The following AQR variants were observed in gnomAD, a reference collection of about 807,000 sequenced individuals.
AQR encodes RNA helicase aquarius.
Under a neutral mutation model 180.5 loss-of-function variants are expected in AQR, and 61 were observed. That is an observed-to-expected ratio of 0.34 (90% CI 0.28 to 0.42). The LOEUF (loss-of-function observed/expected upper bound fraction) is 0.42. AQR is among the 10% of genes least tolerant of loss of function. The pLI is 1.00. For missense variants in AQR, 1,281 were observed against 1,798.3 expected (o/e 0.71, Z 5.20); for synonymous variants, 551 against 588.8 (o/e 0.94, Z 0.93).
At chr15:34,887,163 T>C (rs2140469663) in intron 24 of AQR, among the ~76,000 whole-genome samples, 1 of 151,734 alleles carries the variant, frequency 6.6e-6, no homozygotes, top group African/African-American at 2.4e-5. Flanking sequence ...GTATACTCCA[T>C]GGAACAGTAT....
chr15:34,963,347 T>C (rs1455909264), intron 2 of AQR, among the ~76,000 whole-genome samples: 1 of 152,178 alleles, frequency 6.6e-6, no homozygotes, highest in Non-Finnish European at 1.5e-5. Context: ...TCATATTATT[T>C]GTTCTAAATT....
chr15:34,925,048 AAAAATTT>A (rs1445890840), intron 13 of AQR, among the ~76,000 whole-genome samples: 3 of 152,178 alleles, frequency 2.0e-5, no homozygotes, highest in Non-Finnish European at 4.4e-5. Context: ...GTTGTCATTA[AAAAATTT>A]AAAATATCTG....
intron 17 of AQR, among the ~76,000 whole-genome samples, chr15:34,908,980 A>G (rs780549721): frequency 6.6e-6 from 1 of 151,886 alleles, no homozygotes; most frequent in Non-Finnish European, 1.5e-5. Context: ...GGTGCACATT[A>G]GTCTAGATGA....
intron 31 of AQR, among the ~76,000 whole-genome samples, chr15:34,870,449 C>A (rs1330044505): frequency 6.6e-6 from 1 of 152,038 alleles, no homozygotes; most frequent in Non-Finnish European, 1.5e-5. Context: ...TATACCCCTG[C>A]AAAGCAAAAC....
intron 4 of AQR, among the ~76,000 whole-genome samples, chr15:34,951,893 TC>T (rs1894239709): frequency 6.6e-6 from 1 of 152,168 alleles, no homozygotes; most frequent in Non-Finnish European, 1.5e-5. Context: ...GTTTCTAGCC[TC>T]AGTTTTCTCC....
chr15:34,900,562 T>C, intron 20 of AQR, 60 bp downstream of exon 20: 1 of 1,551,042 alleles, frequency 6.4e-7, no homozygotes, highest in Non-Finnish European at 8.7e-7. Flanking sequence ...ACAATCCTGA[T>C]GGCATAACGT....
intron 9 of AQR, among the ~76,000 whole-genome samples, chr15:34,938,481 C>T (rs183169057): frequency 8.5e-5 from 13 of 152,068 alleles, no homozygotes; most frequent in South Asian, 2.1e-4. Flanking sequence ...TGCAGTGAGC[C>T]GAGATCATGC....
rs990274704 is a variant in AQR at position 34,851,935 on chromosome 15, AC to A, written c.*4856del. 3 of 152,128 alleles carry A rather than the reference AC, an allele frequency of 2.0e-5. No individual in the cohort carries two copies. The highest frequency in any genetic ancestry group is 7.2e-5 in the African/African-American group (3 of 41,424). 9.4% of individuals were successfully genotyped at this position (152,128 alleles called of 1,614,324 possible). On this transcript the variant is annotated 3_prime_UTR_variant, in exon 35 of 35. Transcript: ENST00000156471. ...AGGAATGTCATGGTACATTGACCAA[AC>A]TTTTATTCATTTGCATTTTCAGGAT... is the stretch of plus-strand genomic sequence containing the variant.
intron 27 of AQR, 95 bp downstream of exon 27, chr15:34,882,407 A>G (rs543385383): frequency 1.6e-6 from 2 of 1,266,514 alleles, no homozygotes; most frequent in East Asian, 5.4e-5. Flanking sequence ...TAAAAGAAAC[A>G]TTTTAAGGTA....
chr15:34,892,378 C>T (rs1893163134), intron 23 of AQR, among the ~76,000 whole-genome samples: 1 of 152,164 alleles, frequency 6.6e-6, no homozygotes, highest in South Asian at 2.1e-4. Context: ...AAGAAAAATG[C>T]TCCCAGTAAG....
rs200634021 is a variant in AQR at position 34,906,585 on chromosome 15, A to G, written c.1791T>C (p.Ile597=). The G allele has an allele frequency of 3.0e-5, 49 of 1,614,008 alleles. No individual in the cohort carries two copies. Among genetic ancestry groups the G allele is most frequent in the Non-Finnish European group, 8.5e-6 (10 of 1,180,024 alleles). ...VGLVYVRGCE[I]QGMLDDKGRV... The stretch of plus-strand genomic sequence containing the variant: ...GTCCTTTATCATCCAGCATGCCCTG[A>G]ATTTCACAGCCTCTGACATAAACCA... Residue 597 remains isoleucine (I), a synonymous_variant, in exon 18 of 35, where the codon ATT becomes ATC. Coordinates refer to ENST00000156471, the MANE Select transcript of AQR (RefSeq NM_014691.3).
chr15:34,925,832 C>T (rs1442298492), intron 13 of AQR, among the ~76,000 whole-genome samples: 1 of 147,754 alleles, frequency 6.8e-6, no homozygotes, highest in Admixed American at 6.8e-5. Flanking sequence ...GACTCCGTCT[C>T]AAAAAAAACA....
At position 34,969,608 on chromosome 15, in the gene AQR, T is replaced by G. The variant is rs1216165366; in HGVS notation, c.6A>C (p.Ala2=). 1 of 1,613,102 alleles carries G rather than the reference T, an allele frequency of 6.2e-7. No individual in the cohort carries two copies. The highest frequency in any genetic ancestry group is 8.5e-7 in the Non-Finnish European group (1 of 1,179,998). The change falls in exon 1 of 35, where the codon GCA becomes GCC. Residue 2 remains alanine, a synonymous_variant. Transcript: ENST00000156471. ...CGATCTTCTTGGGCTGCGCAGGGGCTGCCATGGCAGCACTCTTCCCTCCAC... is the reference window on the plus strand; with the variant it reads ...CGATCTTCTTGGGCTGCGCAGGGGCGGCCATGGCAGCACTCTTCCCTCCAC... The part of the protein sequence containing the change: M[A]APAQPKKIVA...
At chr15:34,926,771 A>G (rs561392483) in intron 13 of AQR, among the ~76,000 whole-genome samples, 1 of 152,310 alleles carries the variant, frequency 6.6e-6, no homozygotes, top group Admixed American at 6.5e-5. Context: ...GATGAGATTG[A>G]CCAGCTTTAT....
At chr15:34,935,621 C>T (rs1423916714) in intron 9 of AQR, among the ~76,000 whole-genome samples, 1 of 152,110 alleles carries the variant, frequency 6.6e-6, no homozygotes, top group African/African-American at 2.4e-5. Flanking sequence ...CTAGCATATG[C>T]CCATAATCCA....
chr15:34,900,787 C>T lies in AQR; in HGVS notation c.2078G>A (p.Gly693Asp). 3.1e-6 allele frequency: 5 copies of T among 1,614,108 alleles called. No homozygotes were observed. The highest frequency in any genetic ancestry group is 4.2e-6 in the Non-Finnish European group (5 of 1,179,984). ...VPDWLHDIIL[G>D]YGDPSSAHYS... The stretch of plus-strand genomic sequence containing the variant: ...ATGTGCACTACTTGGGTCCCCATAA[C>T]CTAAAATGATATCGTGCAGCCAGTC... The change falls in exon 20 of 35, where the codon GGT becomes GAT. Residue 693 changes from glycine to aspartate, a missense_variant. This residue lies in a region of AQR where 28 missense variants were observed against 75.3 expected (regional missense o/e 0.37). Transcript: ENST00000156471.
intron 24 of AQR, among the ~76,000 whole-genome samples, chr15:34,888,387 A>T (rs1300506274): frequency 1.3e-5 from 2 of 151,740 alleles, no homozygotes; most frequent in African/African-American, 4.8e-5. Context: ...CACTTAAAAG[A>T]TAAAGAATTA....
chr15:34,898,192 T>C (rs1487319839), intron 20 of AQR, among the ~76,000 whole-genome samples: 2 of 152,188 alleles, frequency 1.3e-5, no homozygotes, highest in Admixed American at 6.5e-5. Flanking sequence ...AGCCTTGTTA[T>C]GACAGGAACC....
chr15:34,904,471 T>C lies in AQR; in HGVS notation c.1866A>G (p.Ser622=), dbSNP rs1472424927. 4.3e-6 allele frequency: 7 copies of C among 1,612,292 alleles called. No individual in the cohort carries two copies. The highest frequency in any genetic ancestry group is 5.9e-6 in the Non-Finnish European group (7 of 1,179,168). The change falls in exon 19 of 35, where the codon TCA becomes TCG. Residue 622 remains serine, a synonymous_variant. Coordinates refer to ENST00000156471, the MANE Select transcript of AQR (RefSeq NM_014691.3). ...GATCCAAAAACACTCTAAATGTCCTTGATTCTCCTCTAAGATTGGGTCTGG... is the reference window on the plus strand; with the variant it reads ...GATCCAAAAACACTCTAAATGTCCTCGATTCTCCTCTAAGATTGGGTCTGG... ...PEPRPNLRGE[S]RTFRVFLDPN...
Sources: allele counts gnomAD v4.1 joint callset (sites outside exome capture counted in the v4.1 genomes callset), GRCh38; gene constraint gnomAD v4.1.1; regional missense constraint gnomAD v4.1.1; transcripts MANE v1.5; gene names NCBI Gene and HGNC (gene_info 2026-07-23, HGNC 2026-07-21).